FER1L6: variants seen among roughly 807,000 people sequenced by gnomAD.
The protein encoded by FER1L6 is fer-1-like protein 6.
A neutral mutation model predicts 219.2 loss-of-function variants in FER1L6; 177 were observed. The ratio of observed to expected loss-of-function variants is 0.81; its 90% CI spans 0.71 to 0.91. The LOEUF is 0.91. Ranked by LOEUF, FER1L6 falls within the 40% of genes least tolerant of loss-of-function variation. The probability of loss-of-function intolerance (pLI) is 0.00; values close to 1 mark genes in which losing one functional copy is unlikely to be tolerated. For missense variants in FER1L6, 2,153 were observed against 2,259.9 expected (o/e 0.95, Z 0.96); for synonymous variants, 768 against 824.3 (o/e 0.93, Z 1.17).
chr8:124,104,975 C>A (rs977798832), intron 39 of FER1L6, among the ~76,000 whole-genome samples: 1 of 152,146 alleles, frequency 6.6e-6, no homozygotes, highest in Non-Finnish European at 1.5e-5. Context: ...TTCAGACATG[C>A]AGACATATAC....
intron 33 of FER1L6, among the ~76,000 whole-genome samples, chr8:124,085,249 C>A (rs182345202): frequency 6.6e-6 from 1 of 151,854 alleles, no homozygotes; most frequent in African/African-American, 2.4e-5. Flanking sequence ...TTAATCTTAT[C>A]TCTTTTTCTA....
Position 124,097,825 on chromosome 8 carries a change from A to C in FER1L6, c.4825A>C (p.Ile1609Leu). 6.2e-7 allele frequency: 1 copy of C among 1,607,772 alleles called. No individual in the cohort carries two copies. The highest frequency in any genetic ancestry group is 8.5e-7 in the Non-Finnish European group (1 of 1,174,140). Residue 1609 changes from isoleucine to leucine, a missense_variant, in exon 37 of 41, where the codon ATT (isoleucine) becomes CTT (leucine). Ile to Leu is a conservative substitution (Grantham distance 5). Transcript: ENST00000522917. ...RVTIWNTEDV[I>L]LEDENIFTGQ... Reference sequence around the variant, plus strand: ...GACCATCTGGAACACTGAAGATGTCATTTTAGAGGATGAGAATATCTTCAC... The same window carrying C: ...GACCATCTGGAACACTGAAGATGTCCTTTTAGAGGATGAGAATATCTTCAC...
chr8:123,974,282 T>C (rs572493753), intron 7 of FER1L6, among the ~76,000 whole-genome samples: 57 of 152,302 alleles, frequency 3.7e-4, no homozygotes, highest in African/African-American at 1.3e-3. Context: ...GGAAGGCTTG[T>C]GCTCCATATA....
At chr8:124,005,514 C>G (rs1470161968) in intron 13 of FER1L6, among the ~76,000 whole-genome samples, 1 of 152,214 alleles carries the variant, frequency 6.6e-6, no homozygotes, top group African/African-American at 2.4e-5. Context: ...AATTCCATTC[C>G]CTGAATCCCC....
chr8:123,885,416 T>C (rs1386494380), intron 1 of FER1L6, among the ~76,000 whole-genome samples: 2 of 152,180 alleles, frequency 1.3e-5, no homozygotes, highest in African/African-American at 2.4e-5. Flanking sequence ...GCTTCAGAAA[T>C]GCATTTGACC....
At chr8:124,089,192 A>G (rs1821913409) in intron 33 of FER1L6, among the ~76,000 whole-genome samples, 1 of 152,216 alleles carries the variant, frequency 6.6e-6, no homozygotes, top group African/African-American at 2.4e-5. Context: ...TGGGATGGAC[A>G]ATTTGCCTGT....
rs556331648 is a variant in FER1L6 at position 124,090,337 on chromosome 8, C to G, written c.4392-1086C>G. On this transcript the variant is annotated intron_variant, in intron 33 of 40. Transcript: ENST00000522917. The stretch of plus-strand genomic sequence containing the variant: ...AGTGCCTGAGAGAATTCCATTCAGA[C>G]AGTGATTAGCTGTTCTCACTCTGAA... Among the ~76,000 whole-genome samples the G allele has an allele frequency of 1.6e-4, 25 of 152,302 alleles. No homozygotes were observed. In the East Asian group the frequency reaches 1.9e-3, roughly 12 times the overall value.
intron 13 of FER1L6, among the ~76,000 whole-genome samples, chr8:124,009,298 A>G (rs1390676640): frequency 6.6e-6 from 1 of 152,104 alleles, no homozygotes; most frequent in African/African-American, 2.4e-5. Flanking sequence ...AAAGGAAAAC[A>G]TTTATTTATT....
At chr8:123,965,927 G>A in intron 3 of FER1L6, 80 bp from the exon 4 acceptor site, 1 of 1,241,860 alleles carries the variant, frequency 8.1e-7, no homozygotes, top group Non-Finnish European at 1.2e-6. Context: ...AAAGGACTTA[G>A]AAATACTTTG....
In FER1L6 at chr8:124,097,277, C is replaced by A; in HGVS notation, c.4702C>A (p.Leu1568Met). The A allele has an allele frequency of 6.2e-7, 1 of 1,612,922 alleles. No individual in the cohort carries two copies. Among genetic ancestry groups the A allele is most frequent in the South Asian group, 1.1e-5 (1 of 90,954 alleles). ...TATTTTTTTTCTTAACAAGGGCCGC[C>A]TGCAGATGTGGGTGGACATGTTTCC... ...KDKPGMEQGRLQMWVDMFPKD... is the reference protein window; with the variant it reads ...KDKPGMEQGRMQMWVDMFPKD... The change falls in exon 36 of 41, where the codon CTG becomes ATG. Residue 1568 changes from leucine (L) to methionine (M), a missense_variant. Physicochemically the swap from Leu to Met is conservative, Grantham distance 15. Coordinates refer to ENST00000522917, the MANE Select transcript of FER1L6 (RefSeq NM_001039112.2).
intron 12 of FER1L6, among the ~76,000 whole-genome samples, chr8:124,001,395 A>G (rs1277322973): frequency 1.3e-5 from 2 of 152,152 alleles, no homozygotes; most frequent in South Asian, 2.1e-4. Flanking sequence ...CTGTTTTACT[A>G]TTAAAAACCC....
chr8:123,874,845 AT>A (rs993896468), intron 1 of FER1L6, among the ~76,000 whole-genome samples: 2 of 152,046 alleles, frequency 1.3e-5, no homozygotes, highest in East Asian at 1.9e-4. Flanking sequence ...TTGGAAGATT[AT>A]TTTTTTTGAT....
At chr8:124,103,861 G>A (rs1342035700) in intron 39 of FER1L6, among the ~76,000 whole-genome samples, 3 of 152,152 alleles carry the variant, frequency 2.0e-5, no homozygotes, top group East Asian at 1.9e-4. Context: ...ATGACTTAGC[G>A]AGGTTGGAAA....
At chr8:124,026,839 G>A (rs537336953) in intron 18 of FER1L6, among the ~76,000 whole-genome samples, 2 of 152,010 alleles carry the variant, frequency 1.3e-5, no homozygotes, top group African/African-American at 4.8e-5. Context: ...TAGATCACTA[G>A]GGCTACTGTA....
intron 1 of FER1L6, among the ~76,000 whole-genome samples, chr8:123,888,110 A>G (rs1817238595): frequency 7.7e-6 from 1 of 130,698 alleles, no homozygotes; most frequent in African/African-American, 2.8e-5. Flanking sequence ...CAGTAAACTG[A>G]TATTCTCTTT....
rs1226209549 is a variant in FER1L6 at position 124,045,866 on chromosome 8, T to C, written c.2689T>C (p.Leu897=). 6 of 1,613,900 alleles carry C rather than the reference T, an allele frequency of 3.7e-6. No homozygotes were observed. The highest frequency in any genetic ancestry group is 1.3e-5 in the African/African-American group (1 of 74,910). ...GAAGGAGCTGGCAGAGTCCCCGCCCTTAGTGGTGGTGGAGCTGTATGACAG... is the reference window on the plus strand; with the variant it reads ...GAAGGAGCTGGCAGAGTCCCCGCCCCTAGTGGTGGTGGAGCTGTATGACAG... ...DVKELAESPP[L]VVVELYDSDA... is the part of the protein sequence containing the mutation. The change falls in exon 21 of 41, where the codon TTA becomes CTA. Residue 897 remains leucine, a synonymous_variant. Coordinates refer to ENST00000522917, the MANE Select transcript of FER1L6 (RefSeq NM_001039112.2).
chr8:123,852,377 A>G lies in FER1L6; in HGVS notation c.-8+192A>G, dbSNP rs766632882. Reference sequence around the variant, plus strand: ...CAGGGAATGGTGCCATATATTGGGGACTCAGCATTGGTCTCTGCTGTTGGC... The same window carrying G: ...CAGGGAATGGTGCCATATATTGGGGGCTCAGCATTGGTCTCTGCTGTTGGC... On this transcript the variant is annotated intron_variant, in intron 1 of 40. Coordinates refer to ENST00000522917, the MANE Select transcript of FER1L6 (RefSeq NM_001039112.2). This position sits in a 1 kb window ranked among gnomAD's most constrained non-coding sequence, Gnocchi z 4.9. 9.9e-5 allele frequency among the ~76,000 whole-genome samples: 15 copies of G among 151,568 alleles called. No individual in the cohort carries two copies. Among genetic ancestry groups the G allele is most frequent in the Non-Finnish European group, 2.1e-4 (14 of 67,932 alleles).
chr8:123,986,557 G>A (rs1816595119), intron 12 of FER1L6, among the ~76,000 whole-genome samples: 2 of 151,998 alleles, frequency 1.3e-5, no homozygotes. Context: ...CGTACAGTAA[G>A]TTGTTGTTGA....
Position 124,077,429 on chromosome 8 carries a change from T to C in FER1L6, c.4220+1104T>C, listed in dbSNP as rs1488154653. On this transcript the variant is annotated intron_variant, in intron 32 of 40. Transcript: ENST00000522917. ...AATTCATTTACACATCTGTGATCAC[T>C]TTGGAGCCTCTGACATTTAATCAGC... Among the ~76,000 whole-genome samples the C allele has an allele frequency of 2.6e-5, 4 of 152,246 alleles. No homozygotes were observed. The South Asian group carries it at 8.3e-4, about 32-fold the overall frequency.
Sources: gnomAD v4.1 joint callset for allele counts (sites outside exome capture counted in the v4.1 genomes callset) on GRCh38, gnomAD v4.1.1 for gene constraint, Gnocchi (gnomAD v3.1) non-coding constraint, MANE v1.5 for transcripts, NCBI Gene and HGNC (gene_info 2026-07-23, HGNC 2026-07-21) for gene names.